The following RFC1 variants were observed in gnomAD, a reference collection of about 807,000 sequenced individuals.
The protein encoded by RFC1 is A1 140 kDa subunit.
In RFC1, 37 loss-of-function variants were observed where a neutral mutation model predicts 137.4. The ratio of observed to expected loss-of-function variants is 0.27; its 90% CI spans 0.21 to 0.35. The LOEUF is 0.35. RFC1 is among the 10% of genes least tolerant of loss of function. RFC1 has a pLI of 1.00. For synonymous variants in RFC1, 429 were observed against 455.7 expected, an observed-to-expected ratio of 0.94 and a Z score of 0.75; for missense variants, 1,205 against 1,358.5, an observed-to-expected ratio of 0.89 and a Z score of 1.78.
intron 2 of RFC1, among the ~76,000 whole-genome samples, chr4:39,349,662 A>G (rs1221805448): frequency 2.0e-5 from 3 of 152,196 alleles, no homozygotes; most frequent in Non-Finnish European, 4.4e-5. Context: ...TTTAATGAAG[A>G]CCAATTTTGA....
chr4:39,356,701 C>T (rs1308883442), intron 1 of RFC1, among the ~76,000 whole-genome samples: 1 of 152,038 alleles, frequency 6.6e-6, no homozygotes, highest in East Asian at 1.9e-4. Flanking sequence ...ATTGTGGCTA[C>T]AAAAAACAAA....
chr4:39,298,052 T>C (rs895808450), intron 21 of RFC1, among the ~76,000 whole-genome samples: 7 of 152,216 alleles, frequency 4.6e-5, no homozygotes, highest in African/African-American at 1.7e-4. Flanking sequence ...CAGTGGCTCA[T>C]GCCAGTAACC....
chr4:39,303,297 A>C (rs74513493), intron 15 of RFC1, 146 bp from the exon 16 acceptor site: 3 of 569,388 alleles, frequency 5.3e-6, no homozygotes, highest in Non-Finnish European at 9.3e-6. Flanking sequence ...GTGTTGTTAA[A>C]GAAAAAAAAA....
In RFC1 at chr4:39,366,271, C is replaced by T. The variant is rs1742025038; in HGVS notation, c.-30G>A. 1 of 1,530,586 alleles carries T rather than the reference C, an allele frequency of 6.5e-7. No homozygotes were observed. The highest frequency in any genetic ancestry group is 1.4e-5 in the African/African-American group (1 of 71,976). The allele number at this position is 1,530,586 out of a possible 1,614,324, so 94.8% of individuals were successfully genotyped here. A position where few individuals can be genotyped will look rare whatever the true frequency, so the allele number is the denominator to read the frequency against. ...GCCCCAGGATGAAGGCGCTGGCTGG[C>T]TGGCGGGTGGGCCGGTTGAGGAATC... On this transcript the variant is annotated 5_prime_UTR_variant, in exon 1 of 25. Transcript: ENST00000349703.
chr4:39,289,620 T>C (rs968893000), intron 24 of RFC1: 1 of 481,270 alleles, frequency 2.1e-6, no homozygotes, highest in African/African-American at 2.0e-5. Flanking sequence ...ACAGAACATA[T>C]GGCCGTCAAT....
chr4:39,287,932 T>C lies in RFC1; in HGVS notation c.*829A>G, dbSNP rs941622580. The C allele has an allele frequency of 6.6e-6, 1 of 152,366 alleles. No homozygotes were observed. The highest frequency in any genetic ancestry group is 1.9e-4 in the East Asian group (1 of 5,188). 9.4% of individuals were successfully genotyped at this position (152,366 alleles called of 1,614,324 possible). On this transcript the variant is annotated 3_prime_UTR_variant, in exon 25 of 25. Transcript: ENST00000349703. ...GGTTGAGACTCCAGAAGGATAAGAATGTCTGAGAATCTTCTGCAGCCCCCC... is the reference window on the plus strand; with the variant it reads ...GGTTGAGACTCCAGAAGGATAAGAACGTCTGAGAATCTTCTGCAGCCCCCC...
At chr4:39,363,752 C>A (rs1352448942) in intron 1 of RFC1, among the ~76,000 whole-genome samples, 1 of 151,910 alleles carries the variant, frequency 6.6e-6, no homozygotes, top group Admixed American at 6.6e-5. Flanking sequence ...AATAGCTGGA[C>A]ATGGTGGCAC....
intron 1 of RFC1, among the ~76,000 whole-genome samples, chr4:39,360,334 C>G (rs1378689501): frequency 6.6e-6 from 1 of 151,948 alleles, no homozygotes; most frequent in African/African-American, 2.4e-5. Context: ...AACCCCATCT[C>G]TACTAAAAAT....
At chr4:39,343,059 T>G (rs1163567778) in intron 3 of RFC1, among the ~76,000 whole-genome samples, 1 of 152,168 alleles carries the variant, frequency 6.6e-6, no homozygotes, top group Non-Finnish European at 1.5e-5. Context: ...AGACGGAGTC[T>G]CGCTCTGTTG....
At chr4:39,363,321 C>G (rs1262829817) in intron 1 of RFC1, among the ~76,000 whole-genome samples, 1 of 152,036 alleles carries the variant, frequency 6.6e-6, no homozygotes, top group Non-Finnish European at 1.5e-5. Flanking sequence ...GGTAAAAAGT[C>G]CCCCTCTTAT....
chr4:39,288,906 C>T, intron 24 of RFC1, 62 bp from the exon 25 acceptor site: 1 of 1,016,294 alleles, frequency 9.8e-7, no homozygotes, highest in South Asian at 1.4e-5. Context: ...GAAATAAGTT[C>T]ATCTCTATAA....
intron 3 of RFC1, among the ~76,000 whole-genome samples, chr4:39,343,066 GT>G (rs901569896): frequency 1.3e-5 from 2 of 151,978 alleles, no homozygotes; most frequent in African/African-American, 2.4e-5. Context: ...GTCTCGCTCT[GT>G]TGTGGAGTGC....
intron 4 of RFC1, among the ~76,000 whole-genome samples, chr4:39,331,161 G>T (rs1193121587): frequency 2.0e-5 from 3 of 152,074 alleles, no homozygotes; most frequent in African/African-American, 7.2e-5. Context: ...TTTAATACTT[G>T]ACAGCTGACC....
At chr4:39,299,317 T>C (rs1738211164) in intron 21 of RFC1, among the ~76,000 whole-genome samples, 1 of 152,188 alleles carries the variant, frequency 6.6e-6, no homozygotes, top group African/African-American at 2.4e-5. Context: ...CTCTGAAGGC[T>C]GTGAGACCCC....
intron 15 of RFC1, among the ~76,000 whole-genome samples, chr4:39,303,596 G>A (rs961824145): frequency 6.6e-6 from 1 of 152,126 alleles, no homozygotes; most frequent in Non-Finnish European, 1.5e-5. Context: ...TGAGATTACA[G>A]GCGCACGCCA....
At chr4:39,306,367 G>C (rs1483529637) in intron 14 of RFC1, among the ~76,000 whole-genome samples, 4 of 152,206 alleles carry the variant, frequency 2.6e-5, no homozygotes, top group Non-Finnish European at 5.9e-5. Context: ...TCGTTGGTAA[G>C]TATTGCTTAT....
At chr4:39,356,535 T>G (rs1422372908) in intron 1 of RFC1, among the ~76,000 whole-genome samples, 5 of 152,246 alleles carry the variant, frequency 3.3e-5, no homozygotes, top group Admixed American at 2.0e-4. Flanking sequence ...GATTATGTAT[T>G]AAAAGAATCT....
At chr4:39,364,661 T>C (rs1741932071) in intron 1 of RFC1, among the ~76,000 whole-genome samples, 3 of 152,156 alleles carry the variant, frequency 2.0e-5, no homozygotes, top group African/African-American at 7.2e-5. Flanking sequence ...TCTGAGAAAA[T>C]AGATCACTGG....
At chr4:39,357,082 G>A (rs1741514188) in intron 1 of RFC1, among the ~76,000 whole-genome samples, 1 of 152,190 alleles carries the variant, frequency 6.6e-6, no homozygotes, top group South Asian at 2.1e-4. Context: ...TTCTTGTGAA[G>A]CTTTCATTCT....
Sources: gnomAD v4.1 joint callset for allele counts (sites outside exome capture counted in the v4.1 genomes callset) on GRCh38, gnomAD v4.1.1 for gene constraint, MANE v1.5 for transcripts, NCBI Gene and HGNC (gene_info 2026-07-23, HGNC 2026-07-21) for gene names.